Variants in NTM observed in about 807,000 individuals in gnomAD.
NTM encodes IgLON family member 2.
NTM carries 13 observed loss-of-function variants against 42.1 expected under a neutral mutation model. That is an observed-to-expected ratio of 0.31 (90% CI 0.20 to 0.49). The LOEUF (loss-of-function observed/expected upper bound fraction) is 0.49. Among genes scored for constraint, NTM ranks in the 20% least tolerant of loss-of-function variants. The pLI, the probability that NTM is intolerant of heterozygous loss-of-function variation, is 0.99. For synonymous variants in NTM, 187 were observed against 179.2 expected, an observed-to-expected ratio of 1.04 and a Z score of -0.35; for missense variants, 373 against 452.8, an observed-to-expected ratio of 0.82 and a Z score of 1.60.
chr11:131,644,370 C>A (rs2065510809), intron 1 of NTM, among the ~76,000 whole-genome samples: 1 of 152,172 alleles, frequency 6.6e-6, no homozygotes, highest in African/African-American at 2.4e-5. Context: ...TGACAAGCTG[C>A]ATTCTAGGAC....
At chr11:131,447,487 A>G (rs570621695) in intron 1 of NTM, among the ~76,000 whole-genome samples, 52 of 152,282 alleles carry the variant, frequency 3.4e-4, no homozygotes, top group African/African-American at 1.3e-3. Flanking sequence ...TGCAGAATCA[A>G]TTCCTAATCC....
chr11:131,799,196 A>C (rs2091892380), intron 1 of NTM, among the ~76,000 whole-genome samples: 1 of 152,140 alleles, frequency 6.6e-6, no homozygotes, highest in Admixed American at 6.5e-5. Flanking sequence ...CATACATACT[A>C]TATCCCACCC....
intron 1 of NTM, among the ~76,000 whole-genome samples, chr11:131,733,676 C>T (rs2080028410): frequency 6.6e-6 from 1 of 152,088 alleles, no homozygotes; most frequent in Admixed American, 6.6e-5. Flanking sequence ...GCTGGGATTA[C>T]AGGCACACGC....
At chr11:131,622,400 TC>T (rs1488859835) in intron 1 of NTM, among the ~76,000 whole-genome samples, 1 of 152,194 alleles carries the variant, frequency 6.6e-6, no homozygotes, top group East Asian at 1.9e-4. Flanking sequence ...GCTCCACAGT[TC>T]AGGGACAGCC....
chr11:131,957,239 A>C (rs1405393617), intron 2 of NTM, among the ~76,000 whole-genome samples: 1 of 152,230 alleles, frequency 6.6e-6, no homozygotes, highest in Non-Finnish European at 1.5e-5. Context: ...TATGAGAGGT[A>C]AAAGAAAAAA....
At chr11:131,972,068 C>T (rs1480082531) in intron 2 of NTM, among the ~76,000 whole-genome samples, 1 of 77,190 alleles carries the variant, frequency 1.3e-5, no homozygotes, top group Admixed American at 1.2e-4. Context: ...AAAAAATTAG[C>T]CAGGTGTGGT....
intron 1 of NTM, among the ~76,000 whole-genome samples, chr11:131,859,968 G>C (rs1012411750): frequency 6.6e-6 from 1 of 151,926 alleles, no homozygotes; most frequent in African/African-American, 2.4e-5. Context: ...TTGTCTGGAG[G>C]TTCCTTGGCA....
intron 3 of NTM, among the ~76,000 whole-genome samples, chr11:132,159,716 GA>G (rs1477773065): frequency 6.6e-6 from 1 of 151,880 alleles, no homozygotes; most frequent in African/African-American, 2.4e-5. Flanking sequence ...GAACTTCCCA[GA>G]AAAAAAAGAA....
chr11:131,725,602 C>T (rs555856834), intron 1 of NTM, among the ~76,000 whole-genome samples: 29 of 152,204 alleles, frequency 1.9e-4, no homozygotes, highest in African/African-American at 6.7e-4. Flanking sequence ...CCAGAAACAT[C>T]AAGGACGTCA....
At position 132,166,262 on chromosome 11, in the gene NTM, TGTCAGTTTTGCAATGA is replaced by T. The variant is rs2075265730; in HGVS notation, c.400+19753_400+19768del. The stretch of plus-strand genomic sequence containing the variant: ...CAGGTGTCATTTACTAGACCTATAA[TGTCAGTTTTGCAATGA>T]GTCAACCCGCCTTGCCCACCTCATG... On this transcript the variant is annotated intron_variant, in intron 3 of 8. Coordinates refer to ENST00000683400, the MANE Select transcript of NTM (RefSeq NM_001352005.2). Among the ~76,000 whole-genome samples the T allele has an allele frequency of 2.6e-5, 4 of 152,294 alleles. No homozygotes were observed. The South Asian group carries it at 8.3e-4, about 32-fold the overall frequency.
At position 131,984,930 on chromosome 11, in the gene NTM, C is replaced by T. The variant is rs572514220; in HGVS notation, c.167+73282C>T. Among the ~76,000 whole-genome samples the T allele has an allele frequency of 1.2e-3, 180 of 152,276 alleles. 1 individual carries two copies. The highest frequency in any genetic ancestry group is 3.3e-3 in the Admixed American group (51 of 15,300). ...AAAAACCTTGATTTGATAATTGCCA[C>T]GAAGGTGAGGCCTTTCGTCAAATCG... On this transcript the variant is annotated intron_variant, in intron 2 of 8. Transcript: ENST00000683400.
intron 1 of NTM, among the ~76,000 whole-genome samples, chr11:131,553,419 G>A (rs1463108888): frequency 6.6e-6 from 1 of 152,146 alleles, no homozygotes; most frequent in Non-Finnish European, 1.5e-5. Context: ...CTTCACCTGA[G>A]GACCCACAGA....
At chr11:132,138,021 C>G (rs1034407524) in intron 2 of NTM, among the ~76,000 whole-genome samples, 1 of 152,214 alleles carries the variant, frequency 6.6e-6, no homozygotes, top group African/African-American at 2.4e-5. Flanking sequence ...TTCCCCAGCT[C>G]CTTTGTGCTT....
rs896425073 is a variant in NTM at position 132,001,084 on chromosome 11, C to A, written c.167+89436C>A. On this transcript the variant is annotated intron_variant, in intron 2 of 8. Transcript: ENST00000683400. ...AGAGTCTGAAGAGGAATCCAGGAAG[C>A]ATATTGTGAGGAGCGTTTGTTTTGC... Among the ~76,000 whole-genome samples, 10 of 152,192 alleles carry A rather than the reference C, an allele frequency of 6.6e-5. No individual in the cohort carries two copies. In the East Asian group the frequency reaches 1.7e-3, roughly 27 times the overall value.
At chr11:131,951,462 T>C (rs1195175868) in intron 2 of NTM, among the ~76,000 whole-genome samples, 2 of 152,140 alleles carry the variant, frequency 1.3e-5, no homozygotes, top group African/African-American at 2.4e-5. Flanking sequence ...CTCCACCCTA[T>C]TAACCTGCTC....
chr11:132,228,584 C>T (rs1010803623), intron 4 of NTM, among the ~76,000 whole-genome samples: 2 of 152,192 alleles, frequency 1.3e-5, no homozygotes, highest in African/African-American at 4.8e-5. Flanking sequence ...GAATAGCTTC[C>T]ATCCCTCTCT....
chr11:131,749,722 C>G (rs2082249540), intron 1 of NTM, among the ~76,000 whole-genome samples: 1 of 152,114 alleles, frequency 6.6e-6, no homozygotes, highest in Non-Finnish European at 1.5e-5. Flanking sequence ...CTTCAGCCTC[C>G]CAAGTAGCTG....
At chr11:131,407,086 C>A (rs183110922) in intron 1 of NTM, among the ~76,000 whole-genome samples, 4 of 152,288 alleles carry the variant, frequency 2.6e-5, no homozygotes, top group Admixed American at 2.6e-4. Flanking sequence ...TAGCCACAGG[C>A]ACTGGCTTAC....
chr11:132,086,750 G>A (rs1307194785), intron 2 of NTM, among the ~76,000 whole-genome samples: 1 of 152,134 alleles, frequency 6.6e-6, no homozygotes, highest in East Asian at 1.9e-4. Context: ...GGGAGAGAGG[G>A]GCCAAAAGTC....
Sources: gnomAD v4.1 joint callset for allele counts (sites outside exome capture counted in the v4.1 genomes callset) on GRCh38, gnomAD v4.1.1 for gene constraint, MANE v1.5 for transcripts, NCBI Gene and HGNC (gene_info 2026-07-23, HGNC 2026-07-21) for gene names.